Variants in TRERF1 observed in about 807,000 individuals in gnomAD.
The protein encoded by TRERF1 is transcriptional regulating factor 1.
TRERF1 carries 27 observed loss-of-function variants against 122.9 expected under a neutral mutation model. The observed-to-expected ratio is 0.22, with a 90% confidence interval of 0.16 to 0.30. The LOEUF is 0.30. Ranked by LOEUF, TRERF1 falls within the 10% of genes least tolerant of loss-of-function variation. The pLI is 1.00. For missense variants in TRERF1, 1,248 were observed against 1,560.3 expected, an observed-to-expected ratio of 0.80 and a Z score of 3.37; for synonymous variants, 636 against 641.7, an observed-to-expected ratio of 0.99 and a Z score of 0.13.
At chr6:42,435,371 C>A (rs1785159395) in intron 2 of TRERF1, among the ~76,000 whole-genome samples, 1 of 151,914 alleles carries the variant, frequency 6.6e-6, no homozygotes, top group Admixed American at 6.6e-5. Flanking sequence ...GTATACAGAG[C>A]CGAGTGCATC....
intron 2 of TRERF1, among the ~76,000 whole-genome samples, chr6:42,371,768 T>C (rs2151042044): frequency 6.6e-6 from 1 of 152,304 alleles, no homozygotes; most frequent in South Asian, 2.1e-4. Context: ...TCTGTCTCCT[T>C]AAATGTCCCC....
At chr6:42,436,507 A>G (rs191473460) in intron 2 of TRERF1, among the ~76,000 whole-genome samples, 46 of 152,256 alleles carry the variant, frequency 3.0e-4, no homozygotes, top group African/African-American at 1.1e-3. Context: ...TTAAGAACTT[A>G]CTATCTGCTA....
exon 18 of TRERF1, chr6:42,225,236 C>T (rs1769364797): frequency 6.8e-6 from 1 of 145,996 alleles, no homozygotes. Flanking sequence ...AGGAATGCAC[C>T]TTTTTAGGAC....
intron 13 of TRERF1, 140 bp from the exon 14 acceptor site, chr6:42,246,684 T>C (rs1774861444): frequency 8.9e-6 from 5 of 562,412 alleles, no homozygotes; most frequent in African/African-American, 1.9e-5. Context: ...AACAAAAAGA[T>C]AGTGTGATAT....
intron 15 of TRERF1, among the ~76,000 whole-genome samples, chr6:42,239,583 A>G (rs1042613328): frequency 2.7e-4 from 41 of 152,144 alleles, no homozygotes; most frequent in Admixed American, 1.1e-3. Context: ...TTCATGTTCC[A>G]TCTGGAGGGA....
rs1394168432 is a variant in TRERF1, at chr6:42,309,771, AT to A, written c.-370-9023del. Among the ~76,000 whole-genome samples, 10 of 152,256 alleles carry A rather than the reference AT, an allele frequency of 6.6e-5. No homozygotes were observed. The East Asian group carries it at 1.7e-3, about 26-fold the overall frequency. On this transcript the variant is annotated intron_variant, in intron 3 of 17. Coordinates refer to ENST00000372922, the Ensembl canonical transcript of TRERF1. ...AATTTAAAATAAAATAAACTTAAAA[AT>A]TTACTTTATTTTATTATTTTGTTTT...
At chr6:42,445,544 T>C (rs1171676289) in intron 2 of TRERF1, among the ~76,000 whole-genome samples, 1 of 152,042 alleles carries the variant, frequency 6.6e-6, no homozygotes, top group Non-Finnish European at 1.5e-5. Context: ...CTACTTGACA[T>C]CTCCACTTTG....
At position 42,263,469 on chromosome 6, in the gene TRERF1, G is replaced by A; in HGVS notation, c.1735C>T (p.Leu579Phe). 6.3e-7 allele frequency: 1 copy of A among 1,593,348 alleles called. No homozygotes were observed. The highest frequency in any genetic ancestry group is 8.6e-7 in the Non-Finnish European group (1 of 1,166,806). ...GACACGGGCATGACCATAGGCGTGA[G>A]GCTTTCTGCCTCGGGAGGGAGCTGT... is the stretch of plus-strand genomic sequence containing the variant. The change falls in exon 8 of 18, where the codon CTC becomes TTC. Residue 579 changes from leucine (L) to phenylalanine (F), a missense_variant. Coordinates refer to ENST00000372922, the Ensembl canonical transcript of TRERF1. The surrounding 1 kb of genome is among the most constrained non-coding windows in gnomAD (Gnocchi z 5.6).
At chr6:42,359,837 C>T (rs990194939) in intron 3 of TRERF1, among the ~76,000 whole-genome samples, 1 of 152,070 alleles carries the variant, frequency 6.6e-6, no homozygotes. Flanking sequence ...AATATAAGAA[C>T]ATATTGCCAT....
intron 3 of TRERF1, among the ~76,000 whole-genome samples, chr6:42,350,966 C>G (rs1769314458): frequency 1.3e-5 from 2 of 151,990 alleles, no homozygotes; most frequent in Non-Finnish European, 1.5e-5. Context: ...AGGCAATTCT[C>G]TCTCTCTCAC....
intron 2 of TRERF1, among the ~76,000 whole-genome samples, chr6:42,383,518 T>C (rs537004240): frequency 6.6e-6 from 1 of 152,212 alleles, no homozygotes; most frequent in South Asian, 2.1e-4. Context: ...CAGGAGGCAC[T>C]TGCTCTCCAT....
intron 3 of TRERF1, among the ~76,000 whole-genome samples, chr6:42,306,150 C>T (rs893561023): frequency 1.3e-5 from 2 of 151,690 alleles, no homozygotes; most frequent in African/African-American, 2.4e-5. Context: ...TACAGGCATG[C>T]GCCACCATGC....
At chr6:42,349,805 G>A (rs188292729) in intron 3 of TRERF1, among the ~76,000 whole-genome samples, 7 of 152,028 alleles carry the variant, frequency 4.6e-5, no homozygotes, top group African/African-American at 7.3e-5. Flanking sequence ...GGTAACCGCC[G>A]AAGAGCCCAG....
rs563108131 is a variant in TRERF1, at chr6:42,418,414, C to T, written c.-454+32763G>A. 3.3e-5 allele frequency among the ~76,000 whole-genome samples: 5 copies of T among 151,698 alleles called. No homozygotes were observed. The East Asian group carries it at 5.8e-4, about 18-fold the overall frequency. ...CCTCCTGAGTAGCTGGGATTACAGG[C>T]ACATGCCACCATGCCTGACTAATTT... On this transcript the variant is annotated intron_variant, in intron 2 of 17. Transcript: ENST00000372922.
chr6:42,435,504 T>C (rs1785176161), intron 2 of TRERF1, among the ~76,000 whole-genome samples: 1 of 151,992 alleles, frequency 6.6e-6, no homozygotes, highest in Non-Finnish European at 1.5e-5. Context: ...TGAGCTGTGA[T>C]CACGCCACTG....
In TRERF1 at chr6:42,241,569, C is replaced by T. The variant is rs540999776; in HGVS notation, c.2859+1679G>A. On this transcript the variant is annotated intron_variant, in intron 15 of 17. Coordinates refer to ENST00000372922, the Ensembl canonical transcript of TRERF1. ...TTCTGCCTCCTGGGTTCAAGCGATC[C>T]TCCTGCCTCAGCCTCCCGAGTAGCT... Among the ~76,000 whole-genome samples, 467 of 152,170 alleles carry T rather than the reference C, an allele frequency of 3.1e-3. 2 individuals carry two copies. The highest frequency in any genetic ancestry group is 0.011 in the African/African-American group (439 of 41,536).
Position 42,263,160 on chromosome 6 carries a change from G to A in TRERF1, c.1884+160C>T, listed in dbSNP as rs145864035. On this transcript the variant is annotated intron_variant, in intron 8 of 17. Coordinates refer to ENST00000372922, the Ensembl canonical transcript of TRERF1. This position sits in a 1 kb window ranked among gnomAD's most constrained non-coding sequence, Gnocchi z 5.6. ...GGGTTCAGCCCTGAGAGACCAAGCCGTATCCAAGCTCAGGTCAGTGACTCT... is the reference window on the plus strand; with the variant it reads ...GGGTTCAGCCCTGAGAGACCAAGCCATATCCAAGCTCAGGTCAGTGACTCT... 1,000 of 1,396,906 alleles carry A rather than the reference G, an allele frequency of 7.2e-4. 5 individuals carry two copies. The African/African-American group carries it at 0.012, about 17-fold the overall frequency. 86.5% of individuals were successfully genotyped at this position (1,396,906 alleles called of 1,614,324 possible). A position where few individuals can be genotyped will look rare whatever the true frequency, so the allele number is the denominator to read the frequency against.
At chr6:42,258,180 A>G in exon 10 of TRERF1, 1 of 1,614,238 alleles carries the variant, frequency 6.2e-7, no homozygotes, top group East Asian at 2.2e-5. Context: ...GGTGACCGTC[A>G]CGTTGCTGCC....
intron 4 of TRERF1, among the ~76,000 whole-genome samples, chr6:42,279,970 A>G (rs1020883330): frequency 3.9e-5 from 6 of 152,086 alleles, no homozygotes; most frequent in African/African-American, 1.2e-4. Flanking sequence ...ATGTAAAATA[A>G]CCGTGCAATA....
Sources: allele counts gnomAD v4.1 joint callset (sites outside exome capture counted in the v4.1 genomes callset), GRCh38; gene constraint gnomAD v4.1.1; non-coding constraint Gnocchi (gnomAD v3.1); transcripts MANE v1.5; gene names NCBI Gene and HGNC (gene_info 2026-07-23, HGNC 2026-07-21).